Variants in PTPRO observed in about 807,000 individuals in gnomAD.
PTPRO encodes receptor-type tyrosine-protein phosphatase O.
In PTPRO, 62 loss-of-function variants were observed where a neutral mutation model predicts 145.2. That is an observed-to-expected ratio of 0.43 (90% CI 0.35 to 0.53). The LOEUF (loss-of-function observed/expected upper bound fraction) is 0.53, where lower values mean the gene tolerates loss of function less well. Ranked by LOEUF, PTPRO falls within the 20% of genes least tolerant of loss-of-function variation. The pLI is 0.01. For missense variants in PTPRO, 1,345 were observed against 1,482.7 expected (o/e 0.91, Z 1.53); for synonymous variants, 565 against 514.7 (o/e 1.10, Z -1.32).
intron 1 of PTPRO, among the ~76,000 whole-genome samples, chr12:15,324,886 C>T (rs1390756777): frequency 6.6e-6 from 1 of 151,932 alleles, no homozygotes. Flanking sequence ...TTACATGGTG[C>T]GTTGGGCACA....
At chr12:15,563,002 G>T (rs1230908168) in intron 17 of PTPRO, among the ~76,000 whole-genome samples, 4 of 151,992 alleles carry the variant, frequency 2.6e-5, no homozygotes, top group Non-Finnish European at 5.9e-5. Context: ...TTAGAGTTTT[G>T]TTTTGTCTTG....
intron 10 of PTPRO, among the ~76,000 whole-genome samples, chr12:15,520,516 T>C (rs574003704): frequency 1.3e-5 from 2 of 152,368 alleles, no homozygotes; most frequent in African/African-American, 2.4e-5. Flanking sequence ...TTATTTTGTG[T>C]TACCACCGTT....
chr12:15,364,113 C>G (rs934066330), intron 1 of PTPRO, among the ~76,000 whole-genome samples: 1 of 151,942 alleles, frequency 6.6e-6, no homozygotes, highest in African/African-American at 2.4e-5. Flanking sequence ...GAAAATAGGA[C>G]CTATGTAAAA....
intron 1 of PTPRO, among the ~76,000 whole-genome samples, chr12:15,378,437 A>G (rs1480176809): frequency 6.6e-6 from 1 of 152,122 alleles, no homozygotes; most frequent in Non-Finnish European, 1.5e-5. Context: ...AACAAAGTGG[A>G]TAACTTAGAT....
chr12:15,542,350 T>A (rs1320900533), intron 12 of PTPRO, among the ~76,000 whole-genome samples: 1 of 152,130 alleles, frequency 6.6e-6, no homozygotes, highest in Non-Finnish European at 1.5e-5. Context: ...ACTAAAAGTA[T>A]CTCACAATGT....
At chr12:15,427,192 T>C (rs566437161) in intron 1 of PTPRO, among the ~76,000 whole-genome samples, 1 of 152,158 alleles carries the variant, frequency 6.6e-6, no homozygotes, top group East Asian at 1.9e-4. Flanking sequence ...CCCTGTTCTT[T>C]CTATCTGGAA....
At chr12:15,497,473 T>C in intron 3 of PTPRO, 70 bp downstream of exon 3, 11 of 1,470,556 alleles carry the variant, frequency 7.5e-6, no homozygotes, top group Non-Finnish European at 1.0e-5. Flanking sequence ...CAAATGATGT[T>C]CTCTCTTACT....
At chr12:15,373,334 G>A (rs1258592142) in intron 1 of PTPRO, among the ~76,000 whole-genome samples, 2 of 152,298 alleles carry the variant, frequency 1.3e-5, no homozygotes, top group East Asian at 3.9e-4. Flanking sequence ...GCTAAGATTG[G>A]CATCATAACT....
At chr12:15,409,516 C>T (rs532798458) in intron 1 of PTPRO, among the ~76,000 whole-genome samples, 2 of 152,278 alleles carry the variant, frequency 1.3e-5, no homozygotes. Context: ...CTGTTTCTCT[C>T]CCTGTCTATT....
rs772476944 is a variant in PTPRO, at chr12:15,560,284, A to AT, written c.2711+17dup. 6.5e-4 allele frequency: 992 copies of AT among 1,531,646 alleles called. 2 individuals carry two copies. The highest frequency in any genetic ancestry group is 8.2e-4 in the East Asian group (36 of 44,056). 94.9% of individuals were successfully genotyped at this position (1,531,646 alleles called of 1,614,324 possible). A position where few individuals can be genotyped will look rare whatever the true frequency, so the allele number is the denominator to read the frequency against. On this transcript the variant is annotated intron_variant, in intron 17 of 26. Coordinates refer to ENST00000281171, the MANE Select transcript of PTPRO (RefSeq NM_030667.3). ...ATTTTATATTAATCCTTGGTAAGTG[A>AT]TTTTTTTTTACTGTTTAACACAAAC...
At position 15,520,181 on chromosome 12, in the gene PTPRO, T is replaced by C. The variant is rs2136513701; in HGVS notation, c.1780-20T>C. On this transcript the variant is annotated intron_variant, in intron 9 of 26. Coordinates refer to ENST00000281171, the MANE Select transcript of PTPRO (RefSeq NM_030667.3). Reference sequence around the variant, plus strand: ...TTTCTCCCACAGTCTTTTGTCTCCTTGCTTGCTTTTCTCATTCAGAGAATA... The same window carrying C: ...TTTCTCCCACAGTCTTTTGTCTCCTCGCTTGCTTTTCTCATTCAGAGAATA... The C allele has an allele frequency of 6.4e-7, 1 of 1,561,046 alleles. No homozygotes were observed.
At chr12:15,377,129 T>A (rs1938713010) in intron 1 of PTPRO, among the ~76,000 whole-genome samples, 1 of 152,114 alleles carries the variant, frequency 6.6e-6, no homozygotes, top group Admixed American at 6.5e-5. Context: ...TAATATGAAC[T>A]AGATTATTTT....
intron 19 of PTPRO, among the ~76,000 whole-genome samples, chr12:15,570,342 C>T (rs1407125323): frequency 1.3e-5 from 2 of 151,640 alleles, no homozygotes; most frequent in African/African-American, 4.8e-5. Context: ...TTTATAAAGC[C>T]TTTTAAGTGC....
chr12:15,498,380 C>T (rs2136463757), intron 3 of PTPRO, among the ~76,000 whole-genome samples: 1 of 152,258 alleles, frequency 6.6e-6, no homozygotes, highest in African/African-American at 2.4e-5. Flanking sequence ...CATGGTGAAA[C>T]ACCGTCTCTA....
intron 1 of PTPRO, among the ~76,000 whole-genome samples, chr12:15,381,383 G>T (rs753458065): frequency 6.6e-6 from 1 of 152,118 alleles, no homozygotes; most frequent in Non-Finnish European, 1.5e-5. Context: ...ACATAATCCC[G>T]ACCAGAAGCG....
Position 15,516,810 on chromosome 12 carries a change from G to A in PTPRO, c.1633G>A (p.Ala545Thr), listed in dbSNP as rs767536478. 1 of 1,612,432 alleles carries A rather than the reference G, an allele frequency of 6.2e-7. No homozygotes were observed. The highest frequency in any genetic ancestry group is 1.7e-4 in the Middle Eastern group (1 of 6,058). The change falls in exon 9 of 27, where the codon GCC becomes ACC. Residue 545 changes from alanine (A) to threonine (T), a missense_variant. Physicochemically the swap from Ala to Thr is moderately conservative, Grantham distance 58 (BLOSUM62 0). Coordinates refer to ENST00000281171, the MANE Select transcript of PTPRO (RefSeq NM_030667.3). Reference sequence around the variant, plus strand: ...AATGCTCTATCCTTTGGGTCCTACGGCCGTGGTTCTGAGCTGGACCAGACC... The same window carrying A: ...AATGCTCTATCCTTTGGGTCCTACGACCGTGGTTCTGAGCTGGACCAGACC... ...DLMLYPLGPT[A>T]VVLSWTRPYL...
chr12:15,393,894 G>A (rs565000481), intron 1 of PTPRO, among the ~76,000 whole-genome samples: 110 of 152,278 alleles, frequency 7.2e-4, no homozygotes, highest in African/African-American at 2.3e-3. Flanking sequence ...CCTTCTTGCA[G>A]GTGAAGGGGG....
At chr12:15,528,140 C>T (rs929498201) in intron 12 of PTPRO, among the ~76,000 whole-genome samples, 30 of 151,516 alleles carry the variant, frequency 2.0e-4, no homozygotes, top group African/African-American at 6.8e-4. Context: ...ATTCAGGGAG[C>T]TAAAAGCCTA....
intron 1 of PTPRO, among the ~76,000 whole-genome samples, chr12:15,390,035 G>GA (rs1195721147): frequency 4.6e-5 from 7 of 151,706 alleles, no homozygotes; most frequent in Non-Finnish European, 7.4e-5. Context: ...CAGGGAAGGA[G>GA]AAAAAAAAAT....
Sources: allele counts gnomAD v4.1 joint callset (sites outside exome capture counted in the v4.1 genomes callset), GRCh38; gene constraint gnomAD v4.1.1; transcripts MANE v1.5; gene names NCBI Gene and HGNC (gene_info 2026-07-23, HGNC 2026-07-21).